The following RNF213 variants were observed in gnomAD, a reference collection of about 807,000 sequenced individuals.
RNF213 encodes E3 ubiquitin-protein ligase RNF213.
A neutral mutation model predicts 514.4 loss-of-function variants in RNF213; 341 were observed. That is an observed-to-expected ratio of 0.66 (90% CI 0.61 to 0.73). The LOEUF (loss-of-function observed/expected upper bound fraction) is 0.73. Among genes scored for constraint, RNF213 ranks in the 30% least tolerant of loss-of-function variants. RNF213 has a pLI of 0.00. For missense variants in RNF213, 5,767 were observed against 6,615.6 expected (o/e 0.87, Z 4.45); for synonymous variants, 2,655 against 2,658.2 (o/e 1.00, Z 0.04).
Position 80,273,301 on chromosome 17 carries a change from A to G in RNF213, c.158A>G (p.Gln53Arg). ...SASEGEMECG[Q>R]ELKEEGGPCL... ...TCGGAGGGTGAAATGGAGTGTGGGC[A>G]GGAGCTGAAGGAGGAAGGGGGCCCG... Residue 53 changes from glutamine to arginine, a missense_variant, in exon 3 of 68, where the codon CAG (glutamine) becomes CGG (arginine). Physicochemically the swap from Gln to Arg is conservative, Grantham distance 43. Around this residue, in one of 13 missense-constraint regions of RNF213, gnomAD observed 509 missense variants for 496.7 expected, o/e 1.02. Transcript: ENST00000582970. 1 of 1,613,662 alleles carries G rather than the reference A, an allele frequency of 6.2e-7. No homozygotes were observed.
At position 80,347,675 on chromosome 17, in the gene RNF213, G is replaced by A. The variant is rs1339612644; in HGVS notation, c.9340G>A (p.Asp3114Asn). The A allele has an allele frequency of 3.1e-6, 5 of 1,613,896 alleles. No individual in the cohort carries two copies. Among genetic ancestry groups the A allele is most frequent in the Non-Finnish European group, 4.2e-6 (5 of 1,179,952 alleles). Reference protein sequence around the residue: ...NLQNLYESLYDALNQYYVHLG... With the variant: ...NLQNLYESLYNALNQYYVHLG... ...GCAGAACCTCTACGAGAGCCTCTAC[G>A]ACGCACTCAACCAGTACTACGTCCA... Residue 3114 changes from aspartate (D) to asparagine (N), a missense_variant, in exon 29 of 68, where the codon GAC becomes AAC. Asp to Asn is a conservative substitution (Grantham distance 23, BLOSUM62 1). This residue lies in a region of RNF213 where 919 missense variants were observed against 1,121.0 expected (regional missense o/e 0.82). Coordinates refer to ENST00000582970, the MANE Select transcript of RNF213 (RefSeq NM_001256071.3). This position sits in a 1 kb window ranked among gnomAD's most constrained non-coding sequence, Gnocchi z 7.2.
chr17:80,307,080 A>T (rs772947722), intron 12 of RNF213, 48 bp from the exon 13 acceptor site: 6 of 1,570,306 alleles, frequency 3.8e-6, no homozygotes, highest in Non-Finnish European at 5.3e-6. Context: ...TGACAGTGGC[A>T]TTGTGATTCA....
rs2078292147 is a variant in RNF213, at chr17:80,345,849, A to G, written c.7514A>G (p.His2505Arg). The stretch of plus-strand genomic sequence containing the variant: ...TGTATCAAAGAAGTCCTGTGTGATC[A>G]TATGGTGGATGGCCAGCCTCTGGCT... The part of the protein sequence containing the change: ...ISCIKEVLCD[H>R]MVDGQPLAED... The change falls in exon 29 of 68, where the codon CAT becomes CGT. Residue 2505 changes from histidine (H) to arginine (R), a missense_variant. His to Arg is a conservative substitution (Grantham distance 29, BLOSUM62 0). Coordinates refer to ENST00000582970, the MANE Select transcript of RNF213 (RefSeq NM_001256071.3). This position sits in a 1 kb window ranked among gnomAD's most constrained non-coding sequence, Gnocchi z 6.0. 6.2e-7 allele frequency: 1 copy of G among 1,614,032 alleles called. No homozygotes were observed.
rs747613651 is a variant in RNF213 at position 80,319,270 on chromosome 17, C to T, written c.2982C>T (p.Thr994=). The part of the protein sequence containing the change: ...TKGLEDSVAK[T]FEKCIIEAVS... ...GCTTAGAGGACAGTGTGGCCAAGAC[C>T]TTCGAGAAATGCATCATTGAAGCCG... The change falls in exon 17 of 68, where the codon ACC becomes ACT. Residue 994 remains threonine (T), a synonymous_variant. Coordinates refer to ENST00000582970, the MANE Select transcript of RNF213 (RefSeq NM_001256071.3). The T allele has an allele frequency of 1.2e-6, 2 of 1,614,160 alleles. No individual in the cohort carries two copies. Among genetic ancestry groups the T allele is most frequent in the South Asian group, 2.2e-5 (2 of 91,068 alleles).
In RNF213 at chr17:80,385,640, G is replaced by T; in HGVS notation, c.14539+19G>T. The T allele has an allele frequency of 1.2e-6, 2 of 1,606,324 alleles. No individual in the cohort carries two copies. Among genetic ancestry groups the T allele is most frequent in the Non-Finnish European group, 1.7e-6 (2 of 1,173,054 alleles). On this transcript the variant is annotated intron_variant, in intron 61 of 67. Coordinates refer to ENST00000582970, the MANE Select transcript of RNF213 (RefSeq NM_001256071.3). ...ACGAACGGTTAGTATCCTGTCCCCT[G>T]TACCACTAAGCGTTCCAGGAGAGCC...
At chr17:80,359,091 C>T (rs540873689) in intron 37 of RNF213, among the ~76,000 whole-genome samples, 27 of 152,268 alleles carry the variant, frequency 1.8e-4, no homozygotes, top group African/African-American at 6.3e-4. Flanking sequence ...GCTCCCTCCC[C>T]GTCCCTCATT....
intron 14 of RNF213, 23 bp downstream of exon 14, chr17:80,309,194 G>A (rs771183294): frequency 1.2e-6 from 2 of 1,614,080 alleles, no homozygotes; most frequent in East Asian, 4.5e-5. Context: ...AACACACAAG[G>A]TATCACACCC....
intron 3 of RNF213, among the ~76,000 whole-genome samples, chr17:80,287,558 G>A (rs2044515568): frequency 6.6e-6 from 1 of 152,232 alleles, no homozygotes. Context: ...CAGTGAGCCC[G>A]TGTGAGGGTC....
At chr17:80,333,620 G>A (rs955467132) in intron 21 of RNF213, among the ~76,000 whole-genome samples, 6 of 151,602 alleles carry the variant, frequency 4.0e-5, no homozygotes, top group African/African-American at 1.4e-4. Context: ...CTTGAACCAC[G>A]GAGGCGGAGG....
At chr17:80,277,554 A>G (rs1194545152) in intron 3 of RNF213, among the ~76,000 whole-genome samples, 2 of 144,902 alleles carry the variant, frequency 1.4e-5, no homozygotes, top group Non-Finnish European at 3.0e-5. Flanking sequence ...GCCGAGATTG[A>G]GACACCGCAC....
chr17:80,332,257 C>A lies in RNF213; in HGVS notation c.3769C>A (p.Leu1257Met), dbSNP rs1199026917. The change falls in exon 21 of 68, where the codon CTG (leucine) becomes ATG (methionine). Residue 1257 changes from leucine (L) to methionine (M), a missense_variant. Physicochemically the swap from Leu to Met is conservative, Grantham distance 15. Coordinates refer to ENST00000582970, the MANE Select transcript of RNF213 (RefSeq NM_001256071.3). ...GGAGGACCAGGAAGCCGCAGAGTTG[C>A]TGAGTGAGCCCGAAGAAGAATCAGA... ...PKEDQEAAEL[L>M]SEPEEESERH... 1 of 1,537,222 alleles carries A rather than the reference C, an allele frequency of 6.5e-7. No homozygotes were observed. The highest frequency in any genetic ancestry group is 8.7e-7 in the Non-Finnish European group (1 of 1,146,920).
intron 3 of RNF213, among the ~76,000 whole-genome samples, chr17:80,280,113 C>G (rs1483978833): frequency 6.6e-6 from 1 of 152,172 alleles, no homozygotes; most frequent in Admixed American, 6.5e-5. Flanking sequence ...GGGGCTTGGC[C>G]GTGAGCCCAC....
chr17:80,274,938 T>TGG (rs2043989957), intron 3 of RNF213, among the ~76,000 whole-genome samples: 1 of 35,478 alleles, frequency 2.8e-5, no homozygotes, highest in African/African-American at 1.4e-4. Flanking sequence ...GTGTGTGTGT[T>TGG]GGGTGTGTGA....
chr17:80,361,717 T>C lies in RNF213; in HGVS notation c.11201-17T>C. 3 of 1,612,022 alleles carry C rather than the reference T, an allele frequency of 1.9e-6. No homozygotes were observed. Among genetic ancestry groups the C allele is most frequent in the Non-Finnish European group, 1.7e-6 (2 of 1,179,018 alleles). ...CTTAGACGCACTCCAGGCCGCTCCTTGGTTTCCTCTCTGCAGGACTGCCCA... is the reference window on the plus strand; with the variant it reads ...CTTAGACGCACTCCAGGCCGCTCCTCGGTTTCCTCTCTGCAGGACTGCCCA... On this transcript the variant is annotated splice_polypyrimidine_tract_variant and intron_variant, in intron 38 of 67. Transcript: ENST00000582970.
intron 35 of RNF213, 114 bp from the exon 36 acceptor site, chr17:80,354,327 C>G (rs1258536615): frequency 1.3e-6 from 2 of 1,565,986 alleles, no homozygotes; most frequent in African/African-American, 1.4e-5. Context: ...AGATTTTGCT[C>G]TAGAATTGGC....
chr17:80,275,219 G>A (rs1045942217), intron 3 of RNF213, among the ~76,000 whole-genome samples: 2 of 151,456 alleles, frequency 1.3e-5, no homozygotes, highest in African/African-American at 2.4e-5. Flanking sequence ...GTGTGTGCTT[G>A]TGTCATTCCC....
At chr17:80,283,003 C>A (rs2044351443) in intron 3 of RNF213, among the ~76,000 whole-genome samples, 1 of 152,074 alleles carries the variant, frequency 6.6e-6, no homozygotes, top group Non-Finnish European at 1.5e-5. Flanking sequence ...TGGCCTGATT[C>A]AATATTTTAA....
At chr17:80,320,325 A>G (rs910148990) in intron 17 of RNF213, 1 of 152,166 alleles carries the variant, frequency 6.6e-6, no homozygotes, top group African/African-American at 2.4e-5. Flanking sequence ...TTCACTGAGC[A>G]TAATGTTTTT....
chr17:80,396,536 G>C lies in RNF213; in HGVS notation c.*3038G>C, dbSNP rs1049635469. On this transcript the variant is annotated 3_prime_UTR_variant, in exon 68 of 68. Transcript: ENST00000582970. ...AAACACCTCTGATTTGATACATAAA[G>C]TGTGAAGGTTGCATAACTGGGGAGG... The C allele has an allele frequency of 6.6e-6, 1 of 152,210 alleles. No homozygotes were observed. Among genetic ancestry groups the C allele is most frequent in the South Asian group, 2.1e-4 (1 of 4,830 alleles). The allele number at this position is 152,210 out of a possible 1,614,324, so 9.4% of individuals were successfully genotyped here.
Sources: gnomAD v4.1 joint callset for allele counts (sites outside exome capture counted in the v4.1 genomes callset) on GRCh38, gnomAD v4.1.1 for gene constraint, gnomAD v4.1.1 regional missense constraint, Gnocchi (gnomAD v3.1) non-coding constraint, MANE v1.5 for transcripts, NCBI Gene and HGNC (gene_info 2026-07-23, HGNC 2026-07-21) for gene names.